The following AFAP1 variants were observed in gnomAD, a reference collection of about 807,000 sequenced individuals.
AFAP1 encodes the protein actin filament associated protein 1.
Under a neutral mutation model 93.9 loss-of-function variants are expected in AFAP1, and 75 were observed. That is an observed-to-expected ratio of 0.80 (90% CI 0.66 to 0.97). The LOEUF (loss-of-function observed/expected upper bound fraction) is 0.97, where lower values mean the gene tolerates loss of function less well. Ranked by LOEUF, AFAP1 falls within the 50% of genes least tolerant of loss-of-function variation. The pLI, the probability that AFAP1 is intolerant of heterozygous loss-of-function variation, is 0.00. For missense variants in AFAP1, 1,201 were observed against 1,050.8 expected, an observed-to-expected ratio of 1.14 and a Z score of -1.98; for synonymous variants, 517 against 430.7, an observed-to-expected ratio of 1.20 and a Z score of -2.48.
intron 1 of AFAP1, among the ~76,000 whole-genome samples, chr4:7,902,813 T>C (rs981421522): frequency 1.3e-5 from 2 of 152,146 alleles, no homozygotes; most frequent in Admixed American, 6.5e-5. Flanking sequence ...CGCAGTGGCC[T>C]GGAGCGCTCC....
intron 12 of AFAP1, among the ~76,000 whole-genome samples, chr4:7,783,116 C>T (rs1446195455): frequency 8.6e-5 from 13 of 152,044 alleles, no homozygotes; most frequent in African/African-American, 2.7e-4. Flanking sequence ...AACAGTGCCA[C>T]GATGCCAGAT....
intron 1 of AFAP1, among the ~76,000 whole-genome samples, chr4:7,896,198 G>A (rs1288322505): frequency 6.6e-6 from 1 of 152,030 alleles, no homozygotes; most frequent in Admixed American, 6.6e-5. Flanking sequence ...AATTTCTATG[G>A]AGCAAATTTT....
At chr4:7,881,205 C>T (rs1429342394) in intron 1 of AFAP1, among the ~76,000 whole-genome samples, 4 of 152,080 alleles carry the variant, frequency 2.6e-5, no homozygotes, top group South Asian at 2.1e-4. Context: ...TCCCTCTGTA[C>T]GTCCCCGCTC....
chr4:7,802,164 T>C (rs1308304343), intron 9 of AFAP1, among the ~76,000 whole-genome samples: 2 of 152,234 alleles, frequency 1.3e-5, no homozygotes, highest in African/African-American at 2.4e-5. Context: ...TGGCTGAATA[T>C]GATGTCATTT....
At chr4:7,800,675 G>T in intron 9 of AFAP1, 22 bp from the exon 10 acceptor site, 1 of 1,613,870 alleles carries the variant, frequency 6.2e-7, no homozygotes, top group South Asian at 1.1e-5. Flanking sequence ...CAAGGCCACA[G>T]GTCAGCCGCC....
At chr4:7,818,593 A>C (rs1720692288) in intron 7 of AFAP1, among the ~76,000 whole-genome samples, 1 of 152,284 alleles carries the variant, frequency 6.6e-6, no homozygotes, top group African/African-American at 2.4e-5. Flanking sequence ...GGCTCCATAC[A>C]TTTCTGGCAA....
In AFAP1 at chr4:7,815,883, C is replaced by T. The variant is rs972254093; in HGVS notation, c.904+135G>A. 4 of 697,048 alleles carry T rather than the reference C, an allele frequency of 5.7e-6. No individual in the cohort carries two copies. The African/African-American group carries it at 7.7e-5, about 13-fold the overall frequency. The allele number at this position is 697,048 out of a possible 1,614,324, so 43.2% of individuals were successfully genotyped here. A position where few individuals can be genotyped will look rare whatever the true frequency, so the allele number is the denominator to read the frequency against. ...CGGCACTCCCATCAGTATCCTCTGC[C>T]ATGATGACGATATCTACACATCTGA... On this transcript the variant is annotated intron_variant, in intron 8 of 17. Transcript: ENST00000420658.
intron 14 of AFAP1, chr4:7,777,393 C>T (rs1716247718): frequency 1.3e-5 from 2 of 152,262 alleles, no homozygotes; most frequent in African/African-American, 4.8e-5. Context: ...GATGTATACG[C>T]TTCCTTGGGG....
At chr4:7,842,524 G>A (rs1410089938) in intron 5 of AFAP1, among the ~76,000 whole-genome samples, 2 of 151,622 alleles carry the variant, frequency 1.3e-5, no homozygotes, top group Non-Finnish European at 2.9e-5. Flanking sequence ...AAAGAAGGAA[G>A]GTGGGGAGGG....
Position 7,939,343 on chromosome 4 carries a change from A to G in AFAP1, c.-3+313T>C. On this transcript the variant is annotated intron_variant, in intron 1 of 17. Transcript: ENST00000420658. This position sits in a 1 kb window ranked among gnomAD's most constrained non-coding sequence, Gnocchi z 5.6. ...GTGGGTCTTCGCAGGGCCCCCTCTGACGCACACGGGGACCAGCCACGCCGC... is the reference window on the plus strand; with the variant it reads ...GTGGGTCTTCGCAGGGCCCCCTCTGGCGCACACGGGGACCAGCCACGCCGC... 3.1e-6 allele frequency: 1 copy of G among 319,152 alleles called. No homozygotes were observed. Among genetic ancestry groups the G allele is most frequent in the Non-Finnish European group, 6.2e-6 (1 of 160,714 alleles). The allele number at this position is 319,152 out of a possible 1,614,324, so 19.8% of individuals were successfully genotyped here. A position where few individuals can be genotyped will look rare whatever the true frequency, so the allele number is the denominator to read the frequency against.
intron 9 of AFAP1, among the ~76,000 whole-genome samples, chr4:7,805,290 G>A (rs774418006): frequency 6.6e-6 from 1 of 152,200 alleles, no homozygotes; most frequent in African/African-American, 2.4e-5. Context: ...GCCATTGAAA[G>A]AGCTTCATAA....
rs139823963 is a variant in AFAP1 at position 7,810,816 on chromosome 4, G to A, written c.905-1053C>T. On this transcript the variant is annotated intron_variant, in intron 8 of 17. Transcript: ENST00000420658. ...GGGCCGGTGAGGGACAACACGGGGCGGTTCTCATCACTCCCCATCATCTCC... is the reference window on the plus strand; with the variant it reads ...GGGCCGGTGAGGGACAACACGGGGCAGTTCTCATCACTCCCCATCATCTCC... Among the ~76,000 whole-genome samples the A allele has an allele frequency of 7.1e-3, 1,085 of 152,272 alleles. 4 individuals carry two copies. The highest frequency in any genetic ancestry group is 0.011 in the Non-Finnish European group (777 of 68,020).
At chr4:7,930,225 G>A (rs1720988636) in intron 1 of AFAP1, among the ~76,000 whole-genome samples, 1 of 152,188 alleles carries the variant, frequency 6.6e-6, no homozygotes, top group South Asian at 2.1e-4. Context: ...CACACCACGG[G>A]GCAGGGAGGT....
At chr4:7,765,757 A>AG in intron 17 of AFAP1, among the ~76,000 whole-genome samples, 1 of 152,194 alleles carries the variant, frequency 6.6e-6, no homozygotes, top group Non-Finnish European at 1.5e-5. Flanking sequence ...CCAGGGCCAG[A>AG]CCTTCTGTGC....
chr4:7,845,146 G>A (rs566746222), intron 4 of AFAP1, among the ~76,000 whole-genome samples: 1 of 152,198 alleles, frequency 6.6e-6, no homozygotes, highest in Non-Finnish European at 1.5e-5. Context: ...AGGAGGCCAG[G>A]TGTGGTGGCT....
At chr4:7,832,083 G>A (rs1045454060) in intron 6 of AFAP1, among the ~76,000 whole-genome samples, 1 of 152,170 alleles carries the variant, frequency 6.6e-6, no homozygotes, top group African/African-American at 2.4e-5. Flanking sequence ...ACACACGCCT[G>A]CTTTGAGGTT....
intron 4 of AFAP1, among the ~76,000 whole-genome samples, chr4:7,851,995 G>C (rs1714492061): frequency 6.6e-6 from 1 of 152,202 alleles, no homozygotes; most frequent in African/African-American, 2.4e-5. Context: ...TAATGGGTCT[G>C]TGCTCAGGAA....
At chr4:7,847,500 A>G (rs1713850771) in intron 4 of AFAP1, among the ~76,000 whole-genome samples, 1 of 152,164 alleles carries the variant, frequency 6.6e-6, no homozygotes, top group African/African-American at 2.4e-5. Flanking sequence ...AATCAAAAGA[A>G]CTCTCTGGAA....
rs553069533 is a variant in AFAP1, at chr4:7,804,564, C to T, written c.1055-3911G>A. 5.9e-5 allele frequency among the ~76,000 whole-genome samples: 9 copies of T among 152,250 alleles called. No individual in the cohort carries two copies. The South Asian group carries it at 6.2e-4, about 11-fold the overall frequency. ...GGAGGGGAACAGATATAAACCCTCC[C>T]GGTCAGCTGGTCCGGATATGGGGCG... On this transcript the variant is annotated intron_variant, in intron 9 of 17. Transcript: ENST00000420658.
Sources: gnomAD v4.1 joint callset for allele counts (sites outside exome capture counted in the v4.1 genomes callset) on GRCh38, gnomAD v4.1.1 for gene constraint, Gnocchi (gnomAD v3.1) non-coding constraint, MANE v1.5 for transcripts, NCBI Gene and HGNC (gene_info 2026-07-23, HGNC 2026-07-21) for gene names.